The following NFIA variants were observed in gnomAD, a reference collection of about 807,000 sequenced individuals.
NFIA encodes the protein nuclear factor I A.
A neutral mutation model predicts 62.8 loss-of-function variants in NFIA; 8 were observed. That is an observed-to-expected ratio of 0.13 (90% CI 0.07 to 0.23). The LOEUF is 0.23. Ranked by LOEUF, NFIA falls within the 10% of genes least tolerant of loss-of-function variation. The pLI, the probability that NFIA is intolerant of heterozygous loss-of-function variation, is 1.00. For synonymous variants in NFIA, 235 were observed against 238.1 expected, an observed-to-expected ratio of 0.99 and a Z score of 0.12; for missense variants, 410 against 642.1, an observed-to-expected ratio of 0.64 and a Z score of 3.91.
chr1:61,186,671 T>C (rs1360441722), intron 2 of NFIA, among the ~76,000 whole-genome samples: 1 of 152,218 alleles, frequency 6.6e-6, no homozygotes, highest in Non-Finnish European at 1.5e-5. Flanking sequence ...ACAGATTAAG[T>C]TTCTTTTTAG....
intron 2 of NFIA, among the ~76,000 whole-genome samples, chr1:61,203,950 GC>G (rs1652713377): frequency 6.6e-6 from 1 of 152,140 alleles, no homozygotes; most frequent in African/African-American, 2.4e-5. Context: ...ATATTTCAGG[GC>G]AGATATTTAG....
At chr1:61,418,836 A>C (rs1666475450) in intron 9 of NFIA, among the ~76,000 whole-genome samples, 1 of 152,208 alleles carries the variant, frequency 6.6e-6, no homozygotes, top group Non-Finnish European at 1.5e-5. Flanking sequence ...GAGAGGCTGC[A>C]GAAGTCTTTC....
rs1285322014 is a variant in NFIA at position 61,461,393 on chromosome 1, A to T, written c.*6073A>T. Reference sequence around the variant, plus strand: ...ACAAACTTTGGGCCCGATTCATAAGAAAAAGAAGTTTGCTATTAACACGGG... The same window carrying T: ...ACAAACTTTGGGCCCGATTCATAAGTAAAAGAAGTTTGCTATTAACACGGG... On this transcript the variant is annotated 3_prime_UTR_variant, in exon 11 of 11. Transcript: ENST00000403491. 1.3e-5 allele frequency: 2 copies of T among 152,210 alleles called. No homozygotes were observed. Among genetic ancestry groups the T allele is most frequent in the East Asian group, 3.8e-4 (2 of 5,198 alleles). The allele number at this position is 152,210 out of a possible 1,614,324, so 9.4% of individuals were successfully genotyped here.
chr1:61,456,829 A>G lies in NFIA; in HGVS notation c.*1509A>G, dbSNP rs564253303. The G allele has an allele frequency of 6.7e-6, 1 of 148,486 alleles. No homozygotes were observed. The highest frequency in any genetic ancestry group is 2.5e-5 in the African/African-American group (1 of 39,462). The allele number at this position is 148,486 out of a possible 1,614,324, so 9.2% of individuals were successfully genotyped here. On this transcript the variant is annotated 3_prime_UTR_variant, in exon 11 of 11. Coordinates refer to ENST00000403491, the MANE Select transcript of NFIA (RefSeq NM_001134673.4). The stretch of plus-strand genomic sequence containing the variant: ...AACAAAAAACAAAAACAAAAAAAAA[A>G]CACAAAAAACCACAGAAACAAAAAC...
chr1:61,455,284 T>C lies in NFIA; in HGVS notation c.1513-19T>C. 6.2e-7 allele frequency: 1 copy of C among 1,613,304 alleles called. No individual in the cohort carries two copies. The highest frequency in any genetic ancestry group is 8.5e-7 in the Non-Finnish European group (1 of 1,179,724). ...TTACAAATTGTGATTTTAATTGTAT[T>C]TTTCCTTTTGTCTTCCAGTCCTGGT... On this transcript the variant is annotated intron_variant, in intron 10 of 10. Transcript: ENST00000403491.
intron 3 of NFIA, among the ~76,000 whole-genome samples, chr1:61,293,290 A>T (rs551010007): frequency 6.6e-6 from 1 of 152,150 alleles, no homozygotes. Flanking sequence ...TTCCCAATCA[A>T]TGGATTCTGG....
intron 2 of NFIA, among the ~76,000 whole-genome samples, chr1:61,240,681 G>T (rs920298108): frequency 6.6e-6 from 1 of 151,824 alleles, no homozygotes; most frequent in Non-Finnish European, 1.5e-5. Flanking sequence ...TTTTTCATAT[G>T]TTATAAAATT....
chr1:61,265,100 A>G (rs763193942), intron 2 of NFIA, among the ~76,000 whole-genome samples: 2 of 152,200 alleles, frequency 1.3e-5, no homozygotes, highest in Admixed American at 1.3e-4. Flanking sequence ...TACATCTTTG[A>G]AGTTTTGTAA....
chr1:61,327,367 C>T (rs1245653322), intron 3 of NFIA, among the ~76,000 whole-genome samples: 1 of 151,856 alleles, frequency 6.6e-6, no homozygotes, highest in Non-Finnish European at 1.5e-5. Flanking sequence ...AGTAGTGTAA[C>T]TTGTACCCAA....
chr1:61,143,328 G>C (rs1240227613), intron 2 of NFIA, among the ~76,000 whole-genome samples: 2 of 152,112 alleles, frequency 1.3e-5, no homozygotes, highest in Non-Finnish European at 2.9e-5. Context: ...GTTAATCATA[G>C]CTACCACTTA....
At chr1:61,422,225 T>C (rs1666653265) in intron 9 of NFIA, among the ~76,000 whole-genome samples, 2 of 152,194 alleles carry the variant, frequency 1.3e-5, no homozygotes, top group South Asian at 4.1e-4. Flanking sequence ...TTCCTGCCAC[T>C]GCACTCCAGC....
chr1:61,111,045 CATT>C (rs1356854368), intron 2 of NFIA, among the ~76,000 whole-genome samples: 5 of 152,036 alleles, frequency 3.3e-5, no homozygotes, highest in Non-Finnish European at 5.9e-5. Flanking sequence ...AATTAAGACT[CATT>C]ATAGGTTTAC....
At chr1:61,338,403 G>T (rs1399403328) in intron 4 of NFIA, among the ~76,000 whole-genome samples, 1 of 152,218 alleles carries the variant, frequency 6.6e-6, no homozygotes, top group Non-Finnish European at 1.5e-5. Context: ...TGGCACCCTA[G>T]TGGCTGTTTT....
chr1:61,349,751 T>A lies in NFIA; in HGVS notation c.701-2699T>A, dbSNP rs527761216. On this transcript the variant is annotated intron_variant, in intron 4 of 10. Transcript: ENST00000403491. ...CACTACACCTAGCTAATTTAATTTT[T>A]AAAAAAAATATTTTTTTTTTCTGTG... Among the ~76,000 whole-genome samples the A allele has an allele frequency of 4.5e-3, 688 of 152,068 alleles. 4 individuals are homozygous for A. The highest frequency in any genetic ancestry group is 0.01 in the Middle Eastern group (3 of 294).
intron 2 of NFIA, among the ~76,000 whole-genome samples, chr1:61,148,089 G>C (rs1648135992): frequency 6.6e-6 from 1 of 152,158 alleles, no homozygotes; most frequent in Non-Finnish European, 1.5e-5. Flanking sequence ...ACAGTGCATT[G>C]TTGAGTAGTT....
chr1:61,227,475 T>G (rs757784560), intron 2 of NFIA, among the ~76,000 whole-genome samples: 5 of 152,344 alleles, frequency 3.3e-5, no homozygotes, highest in Non-Finnish European at 7.4e-5. Flanking sequence ...AAAGCTTTAC[T>G]CCTGAAAGGC....
intron 9 of NFIA, among the ~76,000 whole-genome samples, chr1:61,414,396 G>A (rs1308111440): frequency 1.3e-5 from 2 of 152,218 alleles, no homozygotes; most frequent in African/African-American, 4.8e-5. Flanking sequence ...GAAAGATAAA[G>A]TAACTTTCTC....
At chr1:61,453,051 A>C (rs1052430315) in intron 10 of NFIA, among the ~76,000 whole-genome samples, 1 of 152,310 alleles carries the variant, frequency 6.6e-6, no homozygotes, top group East Asian at 1.9e-4. Flanking sequence ...CCTTTGTCTA[A>C]CTTTCCCAAG....
intron 2 of NFIA, among the ~76,000 whole-genome samples, chr1:61,155,021 C>T (rs1648692133): frequency 6.6e-6 from 1 of 152,114 alleles, no homozygotes; most frequent in Admixed American, 6.5e-5. Flanking sequence ...ATTCTGTCAC[C>T]TTGGAGTGGT....
Sources: gnomAD v4.1 joint callset for allele counts (sites outside exome capture counted in the v4.1 genomes callset) on GRCh38, gnomAD v4.1.1 for gene constraint, MANE v1.5 for transcripts, NCBI Gene and HGNC (gene_info 2026-07-23, HGNC 2026-07-21) for gene names.